Variants in KCNAB3 observed in about 807,000 individuals in gnomAD.
KCNAB3 encodes the protein potassium voltage-gated channel subfamily A regulatory beta subunit 3, also known as voltage-gated potassium channel subunit beta-3.
Under a neutral mutation model 67.7 loss-of-function variants are expected in KCNAB3, and 62 were observed. The ratio of observed to expected loss-of-function variants is 0.92; its 90% CI spans 0.75 to 1.13. The LOEUF (loss-of-function observed/expected upper bound fraction) is 1.13. Among genes scored for constraint, KCNAB3 ranks in the 50% most tolerant of loss-of-function variants. The pLI, the probability that KCNAB3 is intolerant of heterozygous loss-of-function variation, is 0.00. For missense variants in KCNAB3, 514 were observed against 522.9 expected (o/e 0.98, Z 0.17); for synonymous variants, 212 against 205.4 (o/e 1.03, Z -0.27).
intron 12 of KCNAB3, 41 bp downstream of exon 12, chr17:7,923,670 G>A: frequency 7.1e-6 from 11 of 1,552,646 alleles, no homozygotes; most frequent in Non-Finnish European, 7.8e-6. Context: ...TTGGGAGCAT[G>A]TCAGGAGGAG....
At chr17:7,926,511 C>T (rs749024002) in intron 4 of KCNAB3, among the ~76,000 whole-genome samples, 3 of 152,208 alleles carry the variant, frequency 2.0e-5, no homozygotes, top group African/African-American at 7.2e-5. Flanking sequence ...CTGCCTCATC[C>T]ATAATGTGTT....
intron 13 of KCNAB3, 84 bp from the exon 14 acceptor site, chr17:7,923,263 C>A (rs1598031707): frequency 1.4e-6 from 2 of 1,422,242 alleles, no homozygotes; most frequent in Admixed American, 1.7e-5. Context: ...CGGGGAAGCA[C>A]CACAGTGGGG....
At position 7,923,167 on chromosome 17, in the gene KCNAB3, G is replaced by T; in HGVS notation, c.1150C>A (p.Leu384Met). ...HLGALQVLSQ[L>M]TPQTVMEIDG... is the part of the protein sequence containing the mutation. Reference sequence around the variant, plus strand: ...ATTTCCATCACTGTCTGCGGGGTCAGCTGGCTCAGCACCTGGAGGAGAGTG... The same window carrying T: ...ATTTCCATCACTGTCTGCGGGGTCATCTGGCTCAGCACCTGGAGGAGAGTG... The change falls in exon 14 of 14, where the codon CTG becomes ATG. Residue 384 changes from leucine (L) to methionine (M), a missense_variant. By Grantham distance (15) the Leu-to-Met change is conservative. Transcript: ENST00000303790. The T allele has an allele frequency of 1.9e-6, 3 of 1,614,188 alleles. No individual in the cohort carries two copies. Among genetic ancestry groups the T allele is most frequent in the Non-Finnish European group, 1.7e-6 (2 of 1,180,006 alleles).
chr17:7,927,554 C>T lies in KCNAB3; in HGVS notation c.324+103G>A, dbSNP rs940108192. 2.0e-6 allele frequency: 3 copies of T among 1,537,982 alleles called. No individual in the cohort carries two copies. In the African/African-American group the frequency reaches 4.1e-5, roughly 21 times the overall value. ...CTCCCCATCCTCCAGCCTCAGATCCCTCATTCCCTGTGCTTGTTGTCCAAA... is the reference window on the plus strand; with the variant it reads ...CTCCCCATCCTCCAGCCTCAGATCCTTCATTCCCTGTGCTTGTTGTCCAAA... On this transcript the variant is annotated intron_variant, in intron 3 of 13. Transcript: ENST00000303790.
chr17:7,924,527 T>C (rs755336061), intron 8 of KCNAB3, 27 bp from the exon 9 acceptor site: 1 of 1,595,910 alleles, frequency 6.3e-7, no homozygotes, highest in Non-Finnish European at 8.6e-7. Context: ...GGGAAAGCCT[T>C]ACTGTCAGAG....
Position 7,922,754 on chromosome 17 carries a change from T to G in KCNAB3, c.*348A>C. ...CTGTATGTTTCTTGTATGTGCTGGG[T>G]TTTTGTTTTTGTTTTCTTTTCTGGG... On this transcript the variant is annotated 3_prime_UTR_variant, in exon 14 of 14. Coordinates refer to ENST00000303790, the MANE Select transcript of KCNAB3 (RefSeq NM_004732.4). The G allele has an allele frequency of 2.8e-6, 1 of 353,444 alleles. No homozygotes were observed. Among genetic ancestry groups the G allele is most frequent in the Non-Finnish European group, 5.4e-6 (1 of 185,578 alleles). 21.9% of individuals were successfully genotyped at this position (353,444 alleles called of 1,614,324 possible). A position where few individuals can be genotyped will look rare whatever the true frequency, so the allele number is the denominator to read the frequency against.
Position 7,929,320 on chromosome 17 carries a change from C to T in KCNAB3, c.116G>A (p.Gly39Glu). Residue 39 changes from glycine (G) to glutamate (E), a missense_variant, in exon 1 of 14, where the codon GGG becomes GAG. Gly to Glu is a moderately conservative substitution (Grantham distance 98). Coordinates refer to ENST00000303790, the MANE Select transcript of KCNAB3 (RefSeq NM_004732.4). This position sits in a 1 kb window ranked among gnomAD's most constrained non-coding sequence, Gnocchi z 5.7. ...GGGNGGPAGG[G>E]HGNPPGGGGS... ...TCCACCCCCCGGAGGATTCCCGTGC[C>T]CCCCGCCGGCCGGCCCACCATTACC... 1.9e-6 allele frequency: 3 copies of T among 1,552,724 alleles called. No individual in the cohort carries two copies. Among genetic ancestry groups the T allele is most frequent in the South Asian group, 2.4e-5 (2 of 84,570 alleles).
Position 7,922,536 on chromosome 17 carries a change from TCCTCCA to T in KCNAB3, c.*560_*565del, listed in dbSNP as rs1325470288. ...ACTGTAGACCCCACCCTGACCGCCC[TCCTCCA>T]CCTCTGGGCTGGGAGGCAGGGTCCT... On this transcript the variant is annotated 3_prime_UTR_variant, in exon 14 of 14. Coordinates refer to ENST00000303790, the MANE Select transcript of KCNAB3 (RefSeq NM_004732.4). 1 of 157,338 alleles carries T rather than the reference TCCTCCA, an allele frequency of 6.4e-6. No individual in the cohort carries two copies. The highest frequency in any genetic ancestry group is 1.4e-5 in the Non-Finnish European group (1 of 70,724). The allele number at this position is 157,338 out of a possible 1,614,324, so 9.7% of individuals were successfully genotyped here. A position where few individuals can be genotyped will look rare whatever the true frequency, so the allele number is the denominator to read the frequency against.
At chr17:7,923,657 G>A (rs1972122890) in intron 12 of KCNAB3, 54 bp downstream of exon 12, 13 of 1,551,972 alleles carry the variant, frequency 8.4e-6, no homozygotes, top group Non-Finnish European at 9.6e-6. Flanking sequence ...TTTTAGGATG[G>A]GCTTGGGAGC....
chr17:7,925,586 A>G, intron 7 of KCNAB3, 97 bp downstream of exon 7: 1 of 1,273,208 alleles, frequency 7.9e-7, no homozygotes, highest in African/African-American at 1.5e-5. Context: ...ATGGCCACCT[A>G]AATCCCTATT....
rs1972089015 is a variant in KCNAB3, at chr17:7,923,031, G to A, written c.*71C>T. On this transcript the variant is annotated 3_prime_UTR_variant, in exon 14 of 14. Transcript: ENST00000303790. ...CTGCGTGGAGGGATCCGGAGCGGGA[G>A]AGGCGGCTGCGAGGAGCGGGGCTCG... 2 of 1,433,790 alleles carry A rather than the reference G, an allele frequency of 1.4e-6. No individual in the cohort carries two copies. The highest frequency in any genetic ancestry group is 2.0e-6 in the Non-Finnish European group (2 of 1,017,430). The allele number at this position is 1,433,790 out of a possible 1,614,324, so 88.8% of individuals were successfully genotyped here.
intron 1 of KCNAB3, chr17:7,928,496 A>G (rs923819134): frequency 6.2e-6 from 1 of 160,806 alleles, no homozygotes; most frequent in South Asian, 1.7e-4. Context: ...CAGCTTTCCA[A>G]TCAGGGCCAC....
In KCNAB3 at chr17:7,928,834, C is replaced by T. The variant is rs562789240; in HGVS notation, c.242+360G>A. 1.4e-4 allele frequency among the ~76,000 whole-genome samples: 22 copies of T among 152,294 alleles called. No homozygotes were observed. In the East Asian group the frequency reaches 4.3e-3, roughly 29 times the overall value. Reference sequence around the variant, plus strand: ...CCAGAGTGAGAAGCTGATTCCCTCCCTCCACTCCCCAGGACACGGACCCAA... The same window carrying T: ...CCAGAGTGAGAAGCTGATTCCCTCCTTCCACTCCCCAGGACACGGACCCAA... On this transcript the variant is annotated intron_variant, in intron 1 of 13. Transcript: ENST00000303790.
Position 7,927,650 on chromosome 17 carries a change from CTT to C in KCNAB3, c.324+5_324+6del, listed in dbSNP as rs1292645743. 2 of 1,614,024 alleles carry C rather than the reference CTT, an allele frequency of 1.2e-6. No individual in the cohort carries two copies. Among genetic ancestry groups the C allele is most frequent in the Non-Finnish European group, 1.7e-6 (2 of 1,180,020 alleles). ...ACCACCCTGATTCTAGGTCCGATAA[CTT>C]ATACCTCATCTGAGATCTGAGAACC... On this transcript the variant is annotated splice_donor_5th_base_variant and intron_variant, in intron 3 of 13. Coordinates refer to ENST00000303790, the MANE Select transcript of KCNAB3 (RefSeq NM_004732.4).
Position 7,929,290 on chromosome 17 carries a change from G to A in KCNAB3, c.146C>T (p.Ser49Phe). The A allele has an allele frequency of 6.3e-7, 1 of 1,585,386 alleles. No homozygotes were observed. Residue 49 changes from serine (S) to phenylalanine (F), a missense_variant, in exon 1 of 14, where the codon TCT becomes TTT. By Grantham distance (155) the Ser-to-Phe change is radical (BLOSUM62 -2). Transcript: ENST00000303790. This position sits in a 1 kb window ranked among gnomAD's most constrained non-coding sequence, Gnocchi z 5.7. The stretch of plus-strand genomic sequence containing the variant: ...CAGTGCAGCTCGGGCCTTGGGGCCA[G>A]ACCCTCCACCCCCCGGAGGATTCCC... ...GHGNPPGGGG[S>F]GPKARAALVP...
intron 10 of KCNAB3, 27 bp from the exon 11 acceptor site, chr17:7,924,089 A>T (rs766824648): frequency 6.2e-7 from 1 of 1,614,140 alleles, no homozygotes; most frequent in Non-Finnish European, 8.5e-7. Context: ...GGGTGTCAGG[A>T]AAAGGACCTA....
chr17:7,925,112 T>C lies in KCNAB3; in HGVS notation c.610A>G (p.Asn204Asp), dbSNP rs1379748434. 1 of 1,613,492 alleles carries C rather than the reference T, an allele frequency of 6.2e-7. No individual in the cohort carries two copies. The highest frequency in any genetic ancestry group is 8.5e-7 in the Non-Finnish European group (1 of 1,179,686). Residue 204 changes from asparagine (N) to aspartate (D), a missense_variant, in exon 8 of 14, where the codon AAC (asparagine) becomes GAC (aspartate). Asn to Asp is a conservative substitution (Grantham distance 23). Coordinates refer to ENST00000303790, the MANE Select transcript of KCNAB3 (RefSeq NM_004732.4). ...DIVFANRSDP[N>D]CPMEEIVRAM... The stretch of plus-strand genomic sequence containing the variant: ...CTGCTTTTACCCTCCATAGGACAGT[T>C]GGGGTCTGAGCGATTGGCAAAGACA...
chr17:7,924,362 T>A (rs1162150301), intron 9 of KCNAB3, 53 bp downstream of exon 9: 1 of 1,608,424 alleles, frequency 6.2e-7, no homozygotes, highest in East Asian at 2.2e-5. Flanking sequence ...AGTAACCACG[T>A]GAAAAGTGGG....
chr17:7,925,055 T>C (rs748759740), intron 8 of KCNAB3, 42 bp downstream of exon 8: 2 of 1,573,042 alleles, frequency 1.3e-6, no homozygotes, highest in South Asian at 2.2e-5. Flanking sequence ...AAGGAAGTGC[T>C]CAGTTTTGAA....
Sources: allele counts gnomAD v4.1 joint callset (sites outside exome capture counted in the v4.1 genomes callset), GRCh38; gene constraint gnomAD v4.1.1; non-coding constraint Gnocchi (gnomAD v3.1); transcripts MANE v1.5; gene names NCBI Gene and HGNC (gene_info 2026-07-23, HGNC 2026-07-21).